ADGRL3: variants seen among roughly 807,000 people sequenced by gnomAD.
The protein encoded by ADGRL3 is adhesion G protein-coupled receptor L3.
Under a neutral mutation model 153.5 loss-of-function variants are expected in ADGRL3, and 62 were observed. The ratio of observed to expected loss-of-function variants is 0.40; its 90% CI spans 0.33 to 0.50. The LOEUF (loss-of-function observed/expected upper bound fraction) is 0.50, where lower values mean the gene tolerates loss of function less well. Among genes scored for constraint, ADGRL3 ranks in the 20% least tolerant of loss-of-function variants. ADGRL3 has a pLI of 0.47. For synonymous variants in ADGRL3, 710 were observed against 672.5 expected (o/e 1.06, Z -0.86); for missense variants, 1,641 against 1,859.4 (o/e 0.88, Z 2.16).
chr4:61,318,761 A>G (rs1367246942), intron 1 of ADGRL3, among the ~76,000 whole-genome samples: 1 of 152,226 alleles, frequency 6.6e-6, no homozygotes, highest in African/African-American at 2.4e-5. Context: ...ACTTTTGCCC[A>G]GTTATAAACT....
chr4:61,955,532 G>A (rs1216681629), intron 17 of ADGRL3, among the ~76,000 whole-genome samples: 1 of 151,926 alleles, frequency 6.6e-6, no homozygotes, highest in African/African-American at 2.4e-5. Context: ...TTCTGCTGGG[G>A]GAAGTCATTT....
chr4:61,380,086 A>T (rs959751359), intron 1 of ADGRL3, among the ~76,000 whole-genome samples: 2 of 152,012 alleles, frequency 1.3e-5, no homozygotes, highest in African/African-American at 4.8e-5. Context: ...AAATGTATGT[A>T]AATTATTTAT....
At position 61,736,333 on chromosome 4, in the gene ADGRL3, C is replaced by T. The variant is rs374885513; in HGVS notation, c.1399+2779C>T. On this transcript the variant is annotated intron_variant, in intron 8 of 26. Transcript: ENST00000683033. ...TAAAACATGGTCCATCTCACCCTCA[C>T]GTACTAGTGCCGATATTTGTTAAAA... is the stretch of plus-strand genomic sequence containing the variant. Among the ~76,000 whole-genome samples the T allele has an allele frequency of 4.6e-5, 7 of 152,096 alleles. No homozygotes were observed. The East Asian group carries it at 5.8e-4, about 13-fold the overall frequency.
chr4:61,342,709 C>T (rs1047605561), intron 1 of ADGRL3, among the ~76,000 whole-genome samples: 15 of 152,164 alleles, frequency 9.9e-5, no homozygotes, highest in African/African-American at 3.6e-4. Flanking sequence ...GCACCCGTCT[C>T]ATAGCTTTTG....
intron 4 of ADGRL3, among the ~76,000 whole-genome samples, chr4:61,557,197 T>A (rs1406350689): frequency 6.6e-6 from 1 of 152,180 alleles, no homozygotes; most frequent in African/African-American, 2.4e-5. Context: ...AATTCAATAA[T>A]GATTATGGCC....
At chr4:61,403,424 A>G (rs1485535943) in intron 2 of ADGRL3, among the ~76,000 whole-genome samples, 3 of 151,936 alleles carry the variant, frequency 2.0e-5, no homozygotes, top group Non-Finnish European at 4.4e-5. Flanking sequence ...AATCATGCCT[A>G]CTTAGTGAAG....
chr4:61,209,781 A>G (rs1739052693), intron 1 of ADGRL3, among the ~76,000 whole-genome samples: 1 of 152,186 alleles, frequency 6.6e-6, no homozygotes. Flanking sequence ...ATAAAATGAA[A>G]GCAACAATTT....
Position 61,685,618 on chromosome 4 carries a change from G to A in ADGRL3, c.583+8683G>A, listed in dbSNP as rs369556947. 5.1e-4 allele frequency among the ~76,000 whole-genome samples: 78 copies of A among 152,212 alleles called. No homozygotes were observed. The East Asian group carries it at 0.014, about 27-fold the overall frequency. ...CCAAGGATCTTGAGGTAGGGAAGAG[G>A]TTGGCCTGTTCTCGTAAGTGGTAGA... On this transcript the variant is annotated intron_variant, in intron 6 of 26. Coordinates refer to ENST00000683033, the MANE Select transcript of ADGRL3 (RefSeq NM_001387552.1).
chr4:61,674,703 A>G (rs1365909475), intron 5 of ADGRL3, among the ~76,000 whole-genome samples: 1 of 151,862 alleles, frequency 6.6e-6, no homozygotes, highest in Non-Finnish European at 1.5e-5. Context: ...ATCCCTGCCT[A>G]TTGTATTAAA....
chr4:61,297,733 T>C (rs757513708), intron 1 of ADGRL3, among the ~76,000 whole-genome samples: 21 of 151,854 alleles, frequency 1.4e-4, no homozygotes, highest in Non-Finnish European at 3.1e-4. Context: ...TTTAATTATC[T>C]CAAGAGATTC....
intron 2 of ADGRL3, among the ~76,000 whole-genome samples, chr4:61,408,169 A>T (rs1339388795): frequency 6.6e-6 from 1 of 152,116 alleles, no homozygotes; most frequent in Non-Finnish European, 1.5e-5. Context: ...ATCTCACCAG[A>T]ATTTAAACTT....
intron 2 of ADGRL3, among the ~76,000 whole-genome samples, chr4:61,464,700 T>A (rs2097859491): frequency 6.6e-6 from 1 of 152,184 alleles, no homozygotes; most frequent in African/African-American, 2.4e-5. Flanking sequence ...TGCATATAAC[T>A]GATATGGAAG....
Position 61,326,349 on chromosome 4 carries a change from G to A in ADGRL3, c.-239-56775G>A, listed in dbSNP as rs142748098. ...AAGGAGATTCCTGACCATTTTCTAC[G>A]TTTTATTAGATCTTTCAATATAAAA... On this transcript the variant is annotated intron_variant, in intron 1 of 26. Transcript: ENST00000683033. Among the ~76,000 whole-genome samples the A allele has an allele frequency of 9.5e-4, 145 of 151,860 alleles. 1 individual carries two copies. The highest frequency in any genetic ancestry group is 1.7e-3 in the Non-Finnish European group (117 of 67,932).
At chr4:61,952,734 T>A (rs1170279408) in intron 17 of ADGRL3, among the ~76,000 whole-genome samples, 2 of 152,186 alleles carry the variant, frequency 1.3e-5, no homozygotes, top group Non-Finnish European at 2.9e-5. Flanking sequence ...AAATCTGGAT[T>A]GTATTACTCT....
chr4:61,540,226 A>G (rs1252717211), intron 4 of ADGRL3, among the ~76,000 whole-genome samples: 1 of 152,178 alleles, frequency 6.6e-6, no homozygotes, highest in Non-Finnish European at 1.5e-5. Context: ...CCACTTTACC[A>G]CATTTTAAAC....
rs1461501235 is a variant in ADGRL3, at chr4:61,634,060, A to G, written c.474-42766A>G. ...TTGATAACACTGGACCTATATTGCA[A>G]TTTTGAGTTTTAAAGTATGAGTATT... On this transcript the variant is annotated intron_variant, in intron 5 of 26. Transcript: ENST00000683033. 5.6e-4 allele frequency among the ~76,000 whole-genome samples: 85 copies of G among 151,860 alleles called. 1 individual carries two copies. Among genetic ancestry groups the G allele is most frequent in the African/African-American group, 2.0e-3 (81 of 41,202 alleles).
chr4:61,442,691 G>T (rs2097540566), intron 2 of ADGRL3, among the ~76,000 whole-genome samples: 1 of 152,124 alleles, frequency 6.6e-6, no homozygotes, highest in Non-Finnish European at 1.5e-5. Context: ...ATTCAGAATA[G>T]AAAGCAGGAG....
At chr4:61,468,852 C>G (rs188856116) in intron 2 of ADGRL3, among the ~76,000 whole-genome samples, 2 of 152,020 alleles carry the variant, frequency 1.3e-5, no homozygotes, top group Non-Finnish European at 2.9e-5. Context: ...ATAACCACTC[C>G]CTTCTATTGA....
At chr4:61,216,573 A>G (rs1742897344) in intron 1 of ADGRL3, among the ~76,000 whole-genome samples, 1 of 152,026 alleles carries the variant, frequency 6.6e-6, no homozygotes, top group Admixed American at 6.6e-5. Flanking sequence ...ACAATTTATT[A>G]TAAAGTTCAA....
Sources: gnomAD v4.1 joint callset for allele counts (sites outside exome capture counted in the v4.1 genomes callset) on GRCh38, gnomAD v4.1.1 for gene constraint, MANE v1.5 for transcripts, NCBI Gene and HGNC (gene_info 2026-07-23, HGNC 2026-07-21) for gene names.